SHANK2: variants seen among roughly 807,000 people sequenced by gnomAD.
SHANK2 encodes the protein SH3 and multiple ankyrin repeat domains 2.
In SHANK2, 43 loss-of-function variants were observed where a neutral mutation model predicts 133.7. The observed-to-expected ratio is 0.32, with a 90% CI of 0.25 to 0.41. The LOEUF (loss-of-function observed/expected upper bound fraction) is 0.41. SHANK2 is among the 10% of genes least tolerant of loss of function. The pLI is 1.00. For missense variants in SHANK2, 1,994 were observed against 2,235.8 expected, an observed-to-expected ratio of 0.89 and a Z score of 2.18; for synonymous variants, 1,017 against 952.8, an observed-to-expected ratio of 1.07 and a Z score of -1.24.
intron 2 of SHANK2, among the ~76,000 whole-genome samples, chr11:71,173,415 C>T (rs1278031620): frequency 1.3e-5 from 2 of 152,232 alleles, no homozygotes; most frequent in African/African-American, 4.8e-5. Flanking sequence ...ATTGGCACCA[C>T]TGCATGTGGT....
At chr11:70,674,976 A>G (rs1944881282) in intron 15 of SHANK2, among the ~76,000 whole-genome samples, 1 of 152,254 alleles carries the variant, frequency 6.6e-6, no homozygotes, top group Non-Finnish European at 1.5e-5. Flanking sequence ...AAAACTAAGA[A>G]AAGTCTCAAT....
At chr11:70,742,693 G>A (rs1277318771) in intron 14 of SHANK2, among the ~76,000 whole-genome samples, 1 of 152,194 alleles carries the variant, frequency 6.6e-6, no homozygotes, top group East Asian at 1.9e-4. Context: ...GGCTCAAAAG[G>A]AGGCGGATTC....
At chr11:70,530,240 C>T (rs527830394) in intron 17 of SHANK2, among the ~76,000 whole-genome samples, 10 of 152,150 alleles carry the variant, frequency 6.6e-5, no homozygotes, top group South Asian at 2.1e-4. Flanking sequence ...AGGAGGAGGC[C>T]GGGCACCGTG....
intron 15 of SHANK2, among the ~76,000 whole-genome samples, chr11:70,696,107 G>A (rs1945386309): frequency 6.6e-6 from 1 of 152,124 alleles, no homozygotes; most frequent in Non-Finnish European, 1.5e-5. Context: ...AGGTCATCCA[G>A]TCCAATCTTC....
intron 14 of SHANK2, among the ~76,000 whole-genome samples, chr11:70,754,926 C>A (rs533553419): frequency 2.6e-5 from 4 of 152,218 alleles, no homozygotes; most frequent in Admixed American, 2.6e-4. Flanking sequence ...TACAGGGAGG[C>A]ACCTGGGTCC....
intron 14 of SHANK2, among the ~76,000 whole-genome samples, chr11:70,723,248 T>C (rs906096418): frequency 2.6e-5 from 4 of 152,118 alleles, no homozygotes; most frequent in African/African-American, 9.7e-5. Flanking sequence ...CACATGATTA[T>C]AGGATTATAC....
At chr11:70,618,502 G>C (rs2060786980) in intron 17 of SHANK2, among the ~76,000 whole-genome samples, 1 of 152,166 alleles carries the variant, frequency 6.6e-6, no homozygotes, top group African/African-American at 2.4e-5. Context: ...AGGTTCCAAT[G>C]AATGGCCCCT....
chr11:70,474,066 A>C (rs1555149502), intron 25 of SHANK2: 1 of 177,724 alleles, frequency 5.6e-6, no homozygotes, highest in African/African-American at 2.3e-5. Flanking sequence ...TACGCAGGGC[A>C]CTCAGGGGTT....
intron 17 of SHANK2, among the ~76,000 whole-genome samples, chr11:70,612,650 A>G (rs1316320799): frequency 6.6e-6 from 1 of 152,238 alleles, no homozygotes; most frequent in Non-Finnish European, 1.5e-5. Flanking sequence ...GGCCCCCGGC[A>G]GCCACCTTCC....
intron 11 of SHANK2, among the ~76,000 whole-genome samples, chr11:70,860,495 T>C (rs556204353): frequency 3.7e-4 from 56 of 152,324 alleles, no homozygotes; most frequent in Admixed American, 3.4e-3. Flanking sequence ...GTGTATTTCG[T>C]CTGTCCATCT....
intron 11 of SHANK2, among the ~76,000 whole-genome samples, chr11:70,843,855 G>A (rs1475588432): frequency 6.6e-6 from 1 of 152,166 alleles, no homozygotes; most frequent in Non-Finnish European, 1.5e-5. Context: ...GGTGCTCAGG[G>A]ACCAGGAGTT....
At chr11:71,148,930 C>T (rs1274321024) in intron 2 of SHANK2, among the ~76,000 whole-genome samples, 4 of 152,128 alleles carry the variant, frequency 2.6e-5, no homozygotes, top group Non-Finnish European at 5.9e-5. Context: ...TGGAAAGGCA[C>T]ATGCCCAATG....
intron 14 of SHANK2, among the ~76,000 whole-genome samples, chr11:70,730,826 C>CTTTTTTTTTTT (rs34081906): frequency 1.0e-4 from 13 of 127,368 alleles, no homozygotes; most frequent in Non-Finnish European, 1.8e-4. Flanking sequence ...TTTTTTATTT[C>CTTTTTTTTTTT]TTTTTTTTTT....
chr11:71,192,652 T>C (rs1289743783), intron 2 of SHANK2, among the ~76,000 whole-genome samples: 1 of 152,194 alleles, frequency 6.6e-6, no homozygotes, highest in East Asian at 1.9e-4. Context: ...AAGCCTCGCC[T>C]TTCCCAGGAA....
At chr11:70,731,830 G>A (rs1039332121) in intron 14 of SHANK2, among the ~76,000 whole-genome samples, 17 of 152,136 alleles carry the variant, frequency 1.1e-4, no homozygotes, top group Non-Finnish European at 2.2e-4. Flanking sequence ...TGGCCTCCAC[G>A]CTGCGAGGTG....
intron 17 of SHANK2, among the ~76,000 whole-genome samples, chr11:70,608,363 G>T (rs2060608221): frequency 6.6e-6 from 1 of 152,106 alleles, no homozygotes; most frequent in East Asian, 1.9e-4. Flanking sequence ...TGAACACGTA[G>T]GGGGCCTGCA....
intron 10 of SHANK2, among the ~76,000 whole-genome samples, chr11:70,922,522 C>T (rs1950366124): frequency 6.6e-6 from 1 of 152,078 alleles, no homozygotes; most frequent in Admixed American, 6.6e-5. Flanking sequence ...TATCTACAAT[C>T]ACACCGACAG....
At chr11:70,707,273 G>A (rs1201496608) in intron 14 of SHANK2, among the ~76,000 whole-genome samples, 3 of 150,882 alleles carry the variant, frequency 2.0e-5, no homozygotes, top group Non-Finnish European at 4.4e-5. Context: ...TTGGGAGGCT[G>A]AGGCAGGAGA....
chr11:70,670,805 T>G (rs1156405596), intron 15 of SHANK2, among the ~76,000 whole-genome samples: 1 of 152,262 alleles, frequency 6.6e-6, no homozygotes, highest in Non-Finnish European at 1.5e-5. Flanking sequence ...CAGGAGGTGA[T>G]GACTTTGGGC....
Sources: allele counts gnomAD v4.1 joint callset (sites outside exome capture counted in the v4.1 genomes callset), GRCh38; gene constraint gnomAD v4.1.1; transcripts MANE v1.5; gene names NCBI Gene and HGNC (gene_info 2026-07-23, HGNC 2026-07-21).